Variants in NUP93 observed in about 807,000 individuals in gnomAD.
NUP93 encodes nucleoporin 93, also known as nuclear pore complex protein Nup93.
A neutral mutation model predicts 107.8 loss-of-function variants in NUP93; 55 were observed. The observed-to-expected ratio is 0.51, with a 90% CI of 0.41 to 0.64. The LOEUF is 0.64. Among genes scored for constraint, NUP93 ranks in the 30% least tolerant of loss-of-function variants. The probability of loss-of-function intolerance (pLI) is 0.00; values close to 1 mark genes in which losing one functional copy is unlikely to be tolerated. For missense variants in NUP93, 937 were observed against 1,044.7 expected (o/e 0.90, Z 1.42); for synonymous variants, 390 against 397.5 (o/e 0.98, Z 0.22).
intron 9 of NUP93, among the ~76,000 whole-genome samples, chr16:56,830,305 T>C (rs1963754861): frequency 6.6e-6 from 1 of 152,184 alleles, no homozygotes; most frequent in Non-Finnish European, 1.5e-5. Flanking sequence ...TGGAGCCATA[T>C]TGCCACTTAA....
rs372300386 is a variant in NUP93, at chr16:56,798,594, G to A, written c.360+56G>A. ...ACAGATGAGGGCAAGAGGGCTGGGC[G>A]TGGTGGCTCACATCTGTAATCCTAA... is the stretch of plus-strand genomic sequence containing the variant. On this transcript the variant is annotated intron_variant, in intron 4 of 21. Coordinates refer to ENST00000308159, the MANE Select transcript of NUP93 (RefSeq NM_014669.5). 1.8e-4 allele frequency: 252 copies of A among 1,399,980 alleles called. 2 individuals carry two copies. In the South Asian group the frequency reaches 2.3e-3, roughly 13 times the overall value. The allele number at this position is 1,399,980 out of a possible 1,614,324, so 86.7% of individuals were successfully genotyped here.
Position 56,839,014 on chromosome 16 carries a change from A to G in NUP93, c.2081A>G (p.Asp694Gly). The G allele has an allele frequency of 1.2e-6, 2 of 1,614,008 alleles. No individual in the cohort carries two copies. Among genetic ancestry groups the G allele is most frequent in the Non-Finnish European group, 1.7e-6 (2 of 1,179,976 alleles). The change falls in exon 19 of 22, where the codon GAC (aspartate) becomes GGC (glycine). Residue 694 changes from aspartate to glycine, a missense_variant. Coordinates refer to ENST00000308159, the MANE Select transcript of NUP93 (RefSeq NM_014669.5). ...FVDSTFYLLL[D>G]LITFFDEYHS... is the part of the protein sequence containing the mutation. ...GACTCCACGTTCTATCTTCTTTTGG[A>G]CTTGATCACCTTTTTTGACGAGTAT...
At chr16:56,751,030 C>T (rs1226026750) in intron 2 of NUP93, among the ~76,000 whole-genome samples, 3 of 151,948 alleles carry the variant, frequency 2.0e-5, no homozygotes, top group Non-Finnish European at 4.4e-5. Flanking sequence ...CACCTGTAGT[C>T]CCAGCTACTC....
chr16:56,798,780 T>C (rs1824786032), intron 4 of NUP93, among the ~76,000 whole-genome samples: 1 of 151,420 alleles, frequency 6.6e-6, no homozygotes, highest in African/African-American at 2.4e-5. Context: ...GTGGGAGAAT[T>C]GCTTGAACCT....
chr16:56,837,664 G>T lies in NUP93; in HGVS notation c.1956G>T (p.Gln652His). ...MNKLLSPVVP[Q>H]ISAPQSNKER... Reference sequence around the variant, plus strand: ...AACTGCTGAGCCCTGTCGTCCCCCAGATCAGTGCCCCGCAATCCAACAAGG... The same window carrying T: ...AACTGCTGAGCCCTGTCGTCCCCCATATCAGTGCCCCGCAATCCAACAAGG... The change falls in exon 18 of 22, where the codon CAG becomes CAT. Residue 652 changes from glutamine (Q) to histidine (H), a missense_variant. Physicochemically the swap from Gln to His is conservative, Grantham distance 24. Transcript: ENST00000308159. 2.5e-6 allele frequency: 4 copies of T among 1,614,180 alleles called. No individual in the cohort carries two copies. Among genetic ancestry groups the T allele is most frequent in the Middle Eastern group, 3.3e-4 (2 of 6,060 alleles).
At chr16:56,753,398 G>T (rs1322402430) in intron 2 of NUP93, among the ~76,000 whole-genome samples, 1 of 152,118 alleles carries the variant, frequency 6.6e-6, no homozygotes, top group East Asian at 1.9e-4. Context: ...AAATACAGAG[G>T]ATAAAGGAGC....
At chr16:56,841,938 T>A in intron 21 of NUP93, 105 bp downstream of exon 21, 1 of 1,374,192 alleles carries the variant, frequency 7.3e-7, no homozygotes, top group South Asian at 1.4e-5. Context: ...CTCTTTCTCC[T>A]CAGTACCTGG....
chr16:56,837,480 T>C, intron 17 of NUP93, 128 bp from the exon 18 acceptor site: 1 of 686,982 alleles, frequency 1.5e-6, no homozygotes, highest in South Asian at 1.7e-5. Flanking sequence ...CGAGAATTGC[T>C]TGAACTTGGG....
intron 3 of NUP93, among the ~76,000 whole-genome samples, chr16:56,777,700 A>G (rs1205584916): frequency 6.6e-6 from 1 of 152,220 alleles, no homozygotes; most frequent in Admixed American, 6.5e-5. Flanking sequence ...CTGTAGTTGC[A>G]TATAATGAGG....
chr16:56,834,767 G>A lies in NUP93; in HGVS notation c.1771G>A (p.Gly591Arg), dbSNP rs1249889460. 13 of 1,611,436 alleles carry A rather than the reference G, an allele frequency of 8.1e-6. No individual in the cohort carries two copies. Among genetic ancestry groups the A allele is most frequent in the African/African-American group, 1.3e-5 (1 of 74,834 alleles). ...GATTCTTGGGAAACTAGAGAATGAC[G>A]GAAGTAGAAAGGTGAGTTAAATGCA... ...DMILGKLEND[G>R]SRKPGVIDKF... The change falls in exon 16 of 22, where the codon GGA (glycine) becomes AGA (arginine). Residue 591 changes from glycine (G) to arginine (R), a missense_variant. Gly to Arg is a moderately radical substitution (Grantham distance 125). Coordinates refer to ENST00000308159, the MANE Select transcript of NUP93 (RefSeq NM_014669.5).
chr16:56,808,831 T>A (rs540154180), intron 5 of NUP93, among the ~76,000 whole-genome samples: 1 of 146,786 alleles, frequency 6.8e-6, no homozygotes, highest in African/African-American at 2.5e-5. Flanking sequence ...CATATATAAA[T>A]ATATATATAA....
chr16:56,812,345 T>G (rs1474425273), intron 5 of NUP93, among the ~76,000 whole-genome samples: 3 of 151,004 alleles, frequency 2.0e-5, no homozygotes, highest in Admixed American at 1.3e-4. Context: ...TAGCAAGTTG[T>G]TTTTTTTTCT....
Position 56,756,090 on chromosome 16 carries a change from T to C in NUP93, c.180-2448T>C, listed in dbSNP as rs1373067158. Among the ~76,000 whole-genome samples the C allele has an allele frequency of 2.6e-5, 4 of 152,152 alleles. No homozygotes were observed. In the East Asian group the frequency reaches 5.8e-4, roughly 22 times the overall value. On this transcript the variant is annotated intron_variant, in intron 2 of 21. Transcript: ENST00000308159. ...TACTCCTGAAGCTACGTGATTCTAA[T>C]GTGCAGCCAGGGTTGAGACCCACTC...
chr16:56,824,607 C>T (rs567226322), intron 8 of NUP93, among the ~76,000 whole-genome samples: 2 of 152,218 alleles, frequency 1.3e-5, no homozygotes, highest in Non-Finnish European at 2.9e-5. Context: ...TGCTAAATTG[C>T]AGGCCTTTGC....
At chr16:56,801,651 A>G (rs933112853) in intron 4 of NUP93, among the ~76,000 whole-genome samples, 2 of 152,226 alleles carry the variant, frequency 1.3e-5, no homozygotes, top group East Asian at 3.9e-4. Context: ...GACCTCAAGC[A>G]ATTTGCCCGC....
intron 3 of NUP93, among the ~76,000 whole-genome samples, chr16:56,779,365 A>T (rs1962471594): frequency 6.6e-6 from 1 of 152,220 alleles, no homozygotes. Context: ...CCTTATATTA[A>T]TGAATGCTGG....
At chr16:56,836,825 G>C in intron 17 of NUP93, 108 bp downstream of exon 17, 1 of 688,078 alleles carries the variant, frequency 1.5e-6, no homozygotes, top group Non-Finnish European at 2.5e-6. Flanking sequence ...CCTCCCTGCA[G>C]AGGCATTTGC....
At chr16:56,732,422 A>G (rs925297026) in intron 1 of NUP93, among the ~76,000 whole-genome samples, 2 of 152,206 alleles carry the variant, frequency 1.3e-5, no homozygotes, top group Admixed American at 1.3e-4. Context: ...GGAGGGTACC[A>G]CTAGCAATAA....
At chr16:56,840,465 A>G (rs1567414723) in intron 20 of NUP93, among the ~76,000 whole-genome samples, 8 of 152,194 alleles carry the variant, frequency 5.3e-5, no homozygotes, top group Admixed American at 3.9e-4. Context: ...TGGCATCTCT[A>G]GAAAAGTTTC....
Sources: allele counts gnomAD v4.1 joint callset (sites outside exome capture counted in the v4.1 genomes callset), GRCh38; gene constraint gnomAD v4.1.1; transcripts MANE v1.5; gene names NCBI Gene and HGNC (gene_info 2026-07-23, HGNC 2026-07-21).